The following OPHN1 variants were observed in gnomAD, a reference collection of about 807,000 sequenced individuals.
The protein encoded by OPHN1 is oligophrenin-1.
OPHN1 carries 11 observed loss-of-function variants against 60.7 expected under a neutral mutation model. That is an observed-to-expected ratio of 0.18 (90% CI 0.11 to 0.30). The LOEUF is 0.30. Ranked by LOEUF, OPHN1 falls within the 10% of genes least tolerant of loss-of-function variation. OPHN1 has a pLI of 1.00. For missense variants in OPHN1, 449 were observed against 611.0 expected (o/e 0.73, Z 2.80); for synonymous variants, 226 against 222.6 (o/e 1.02, Z -0.14).
At chrX:68,356,200 A>C (rs994836540) in intron 2 of OPHN1, among the ~76,000 whole-genome samples, 1 of 111,123 alleles carries the variant, frequency 9.0e-6, no homozygotes, top group African/African-American at 3.3e-5. Context: ...TTTGAGTAAA[A>C]CAGATTGCTC....
At chrX:68,070,391 C>T in intron 20 of OPHN1, 1 of 499,421 alleles carries the variant, frequency 2.0e-6, no homozygotes. Context: ...TTTAAGGGTT[C>T]CTGGCACTGC....
At chrX:68,393,348 A>G (rs1017900929) in intron 2 of OPHN1, among the ~76,000 whole-genome samples, 2 of 111,935 alleles carry the variant, frequency 1.8e-5, no homozygotes, top group Non-Finnish European at 3.8e-5. Flanking sequence ...TGGAGTGCAG[A>G]GGCTCGATCA....
intron 5 of OPHN1, among the ~76,000 whole-genome samples, chrX:68,245,277 T>C (rs1313565846): frequency 9.0e-6 from 1 of 111,553 alleles, no homozygotes; most frequent in Non-Finnish European, 1.9e-5. Flanking sequence ...CTCACGCCAA[T>C]CTACTCTCCA....
At chrX:68,425,206 C>T (rs765161000) in intron 2 of OPHN1, among the ~76,000 whole-genome samples, 1 of 111,704 alleles carries the variant, frequency 9.0e-6, no homozygotes, top group African/African-American at 3.3e-5. Context: ...TGGAGACCTA[C>T]CAAGAAGCAT....
At chrX:68,205,513 G>C (rs2077554290) in intron 10 of OPHN1, among the ~76,000 whole-genome samples, 1 of 111,451 alleles carries the variant, frequency 9.0e-6, no homozygotes. Context: ...AACTCTGTTT[G>C]ATACAACATC....
chrX:68,286,204 A>G (rs1285231809), intron 3 of OPHN1, among the ~76,000 whole-genome samples: 1 of 111,825 alleles, frequency 8.9e-6, no homozygotes, highest in Non-Finnish European at 1.9e-5. Flanking sequence ...GCTTGTTGTT[A>G]CATTGGCTTC....
intron 2 of OPHN1, among the ~76,000 whole-genome samples, chrX:68,391,502 TCAG>T (rs2078653729): frequency 9.0e-6 from 1 of 111,050 alleles, no homozygotes; most frequent in African/African-American, 3.3e-5. Flanking sequence ...GCAACTACCC[TCAG>T]CAGTTTTTTT....
intron 5 of OPHN1, among the ~76,000 whole-genome samples, chrX:68,270,939 C>G (rs1359394594): frequency 3.6e-5 from 4 of 110,885 alleles, no homozygotes. Flanking sequence ...CTACACCTCA[C>G]TGAACTTAGT....
Position 68,269,117 on chromosome X carries a change from C to G in OPHN1, c.384+5621G>C, listed in dbSNP as rs191946878. Among the ~76,000 whole-genome samples, 10 of 111,516 alleles carry G rather than the reference C, an allele frequency of 9.0e-5. No individual in the cohort carries two copies. The South Asian group carries it at 1.5e-3, about 17-fold the overall frequency. On this transcript the variant is annotated intron_variant, in intron 5 of 24. Transcript: ENST00000355520. ...ACAAATAAATGGAAGAACATTCCAT[C>G]CTCATGGGTAGGAAGAATCAATATC... is the stretch of plus-strand genomic sequence containing the variant.
intron 2 of OPHN1, among the ~76,000 whole-genome samples, chrX:68,336,097 C>T (rs772106190): frequency 1.8e-5 from 2 of 111,088 alleles, no homozygotes; most frequent in Admixed American, 1.9e-4. Context: ...AATCTCAAAG[C>T]AGTTGACCAC....
At chrX:68,243,816 A>T (rs2077792863) in intron 5 of OPHN1, among the ~76,000 whole-genome samples, 1 of 112,263 alleles carries the variant, frequency 8.9e-6, no homozygotes, top group African/African-American at 3.2e-5. Context: ...TAAGCTTCAG[A>T]TTTCTTAATC....
At chrX:68,186,873 A>T (rs1023067210) in intron 15 of OPHN1, among the ~76,000 whole-genome samples, 1 of 111,468 alleles carries the variant, frequency 9.0e-6, no homozygotes, top group African/African-American at 3.3e-5. Context: ...ATTCAACCCA[A>T]ATTACTCCAC....
chrX:68,151,354 G>C (rs1483952334), intron 15 of OPHN1, among the ~76,000 whole-genome samples: 2 of 112,029 alleles, frequency 1.8e-5, no homozygotes, highest in Non-Finnish European at 3.8e-5. Context: ...AGGTCAGCTG[G>C]CTGGAGAGCA....
At chrX:68,319,894 T>C (rs1398994148) in intron 2 of OPHN1, among the ~76,000 whole-genome samples, 4 of 110,577 alleles carry the variant, frequency 3.6e-5, no homozygotes, top group Non-Finnish European at 7.5e-5. Flanking sequence ...TATATAAAAT[T>C]CTTTATACAT....
In OPHN1 at chrX:68,396,430, T is replaced by C. The variant is rs765406869; in HGVS notation, c.154+36437A>G. On this transcript the variant is annotated intron_variant, in intron 2 of 24. Transcript: ENST00000355520. Reference sequence around the variant, plus strand: ...AAAAAAAAAAAAAAAAAAAACAAGGTTGTGGAGGCTAGGTGAATCTACATG... The same window carrying C: ...AAAAAAAAAAAAAAAAAAAACAAGGCTGTGGAGGCTAGGTGAATCTACATG... 1.2e-3 allele frequency among the ~76,000 whole-genome samples: 115 copies of C among 93,188 alleles called. 1 individual carries two copies. Among genetic ancestry groups the C allele is most frequent in the African/African-American group, 4.6e-3 (107 of 23,071 alleles). 80.9% of individuals were successfully genotyped at this position (93,188 alleles called of 115,157 possible). A position where few individuals can be genotyped will look rare whatever the true frequency, so the allele number is the denominator to read the frequency against.
At chrX:68,380,682 T>C (rs2078591717) in intron 2 of OPHN1, among the ~76,000 whole-genome samples, 1 of 111,592 alleles carries the variant, frequency 9.0e-6, no homozygotes, top group Admixed American at 9.6e-5. Flanking sequence ...TTCATTTCGT[T>C]ATGTACCCAG....
chrX:68,133,103 A>C (rs1300440818), intron 15 of OPHN1: 2 of 576,814 alleles, frequency 3.5e-6, no homozygotes, highest in Non-Finnish European at 6.2e-6. Context: ...TCAGAACATA[A>C]AACTAGAATA....
intron 2 of OPHN1, among the ~76,000 whole-genome samples, chrX:68,378,207 C>T (rs2078571906): frequency 8.9e-6 from 1 of 112,203 alleles, no homozygotes; most frequent in Admixed American, 9.5e-5. Context: ...TTTCATGTGT[C>T]TTTTGGCTGC....
Position 68,261,162 on chromosome X carries a change from T to C in OPHN1, c.384+13576A>G, listed in dbSNP as rs189534668. ...GGGTTAAATGCAGACTCAGATGTCT[T>C]AGTCAGACAATTTGGCCCTGGTCCC... On this transcript the variant is annotated intron_variant, in intron 5 of 24. Transcript: ENST00000355520. 2.7e-5 allele frequency among the ~76,000 whole-genome samples: 3 copies of C among 111,324 alleles called. No homozygotes were observed. In the Admixed American group the frequency reaches 2.9e-4, roughly 11 times the overall value.
Sources: allele counts gnomAD v4.1 joint callset (sites outside exome capture counted in the v4.1 genomes callset), GRCh38; gene constraint gnomAD v4.1.1; transcripts MANE v1.5; gene names NCBI Gene and HGNC (gene_info 2026-07-23, HGNC 2026-07-21).